Variants in FRMD5 observed in about 807,000 individuals in gnomAD.
FRMD5 encodes the protein FERM domain-containing protein 5.
FRMD5 carries 20 observed loss-of-function variants against 69.0 expected under a neutral mutation model. That is an observed-to-expected ratio of 0.29 (90% CI 0.20 to 0.42). The LOEUF (loss-of-function observed/expected upper bound fraction) is 0.42. Ranked by LOEUF, FRMD5 falls within the 10% of genes least tolerant of loss-of-function variation. FRMD5 has a pLI of 1.00. For synonymous variants in FRMD5, 271 were observed against 260.1 expected (o/e 1.04, Z -0.40); for missense variants, 595 against 708.6 (o/e 0.84, Z 1.82).
intron 1 of FRMD5, among the ~76,000 whole-genome samples, chr15:44,150,878 G>A (rs1276883930): frequency 6.6e-6 from 1 of 152,062 alleles, no homozygotes; most frequent in Non-Finnish European, 1.5e-5. Context: ...GATCAATTGA[G>A]ATCAGGAGTT....
chr15:44,022,217 T>C (rs1481536504), intron 1 of FRMD5, among the ~76,000 whole-genome samples: 1 of 152,082 alleles, frequency 6.6e-6, no homozygotes, highest in African/African-American at 2.4e-5. Context: ...TGTATGTACT[T>C]TAAAAATAGC....
chr15:44,049,682 C>T (rs781664409), intron 1 of FRMD5, among the ~76,000 whole-genome samples: 10 of 152,158 alleles, frequency 6.6e-5, no homozygotes, highest in Non-Finnish European at 1.5e-4. Context: ...TCTCCATTTG[C>T]ATTTAAAATC....
chr15:44,042,777 T>C (rs1469178935), intron 1 of FRMD5, among the ~76,000 whole-genome samples: 1 of 152,216 alleles, frequency 6.6e-6, no homozygotes, highest in Non-Finnish European at 1.5e-5. Flanking sequence ...GGAACGTATC[T>C]CAAAATAATA....
chr15:43,894,795 G>A (rs766715777), intron 7 of FRMD5, among the ~76,000 whole-genome samples: 3 of 152,114 alleles, frequency 2.0e-5, no homozygotes, highest in Non-Finnish European at 2.9e-5. Flanking sequence ...TGGTCAAACC[G>A]CTCGGGTCCA....
At chr15:44,174,429 A>G (rs1220279641) in intron 1 of FRMD5, among the ~76,000 whole-genome samples, 1 of 151,964 alleles carries the variant, frequency 6.6e-6, no homozygotes, top group Non-Finnish European at 1.5e-5. Context: ...TTGTTCCCTC[A>G]CCTATTTCTA....
intron 1 of FRMD5, among the ~76,000 whole-genome samples, chr15:43,993,688 C>T (rs1889792566): frequency 6.6e-6 from 1 of 151,904 alleles, no homozygotes; most frequent in Non-Finnish European, 1.5e-5. Flanking sequence ...TATCAAAGTC[C>T]CCTACTATTA....
chr15:44,166,783 C>CAAA lies in FRMD5; in HGVS notation c.102+28167_102+28169dup, dbSNP rs1006711939. Among the ~76,000 whole-genome samples the CAAA allele has an allele frequency of 4.0e-3, 204 of 51,276 alleles. 1 individual carries two copies. Among genetic ancestry groups the CAAA allele is most frequent in the Middle Eastern group, 7.6e-3 (1 of 132 alleles). The allele number at this position is 51,276 out of a possible 152,430, so 33.6% of individuals were successfully genotyped here. On this transcript the variant is annotated intron_variant, in intron 1 of 13. Transcript: ENST00000417257. ...TGGGTGACAAAGTGAGACCCTATCT[C>CAAA]AAAAAAAAAAAAAAAAAAAAAAAAG...
At chr15:43,984,471 G>A (rs1397928285) in intron 1 of FRMD5, among the ~76,000 whole-genome samples, 1 of 152,142 alleles carries the variant, frequency 6.6e-6, no homozygotes, top group Non-Finnish European at 1.5e-5. Flanking sequence ...CTGGATTAAG[G>A]CCTCCAGAGC....
At chr15:44,079,082 C>G (rs1195730012) in intron 1 of FRMD5, among the ~76,000 whole-genome samples, 3 of 151,920 alleles carry the variant, frequency 2.0e-5, no homozygotes, top group Non-Finnish European at 4.4e-5. Context: ...CAAAAAACAT[C>G]CCAATTAAAA....
In FRMD5 at chr15:43,940,080, G is replaced by A. The variant is rs558488173; in HGVS notation, c.103-15771C>T. Among the ~76,000 whole-genome samples the A allele has an allele frequency of 6.5e-4, 99 of 152,306 alleles. 1 individual carries two copies. Among genetic ancestry groups the A allele is most frequent in the Admixed American group, 1.2e-3 (19 of 15,306 alleles). Reference sequence around the variant, plus strand: ...TAATCCCAGCCACCTGTGGGGCTGCGGAGAGACAATCACTTGAACCTGGGA... The same window carrying A: ...TAATCCCAGCCACCTGTGGGGCTGCAGAGAGACAATCACTTGAACCTGGGA... On this transcript the variant is annotated intron_variant, in intron 1 of 13. Coordinates refer to ENST00000417257, the MANE Select transcript of FRMD5 (RefSeq NM_032892.5).
At chr15:44,174,386 T>TA (rs1329278300) in intron 1 of FRMD5, among the ~76,000 whole-genome samples, 1 of 152,168 alleles carries the variant, frequency 6.6e-6, no homozygotes, top group Non-Finnish European at 1.5e-5. Flanking sequence ...GATAACAAAA[T>TA]ACAATGTCTG....
At chr15:44,066,310 C>T (rs1893308123) in intron 1 of FRMD5, among the ~76,000 whole-genome samples, 1 of 152,174 alleles carries the variant, frequency 6.6e-6, no homozygotes, top group East Asian at 1.9e-4. Context: ...AAGTCTCTGC[C>T]TTCACAGAAT....
At chr15:43,877,296 G>GT (rs1237864996) in intron 13 of FRMD5, among the ~76,000 whole-genome samples, 8 of 152,194 alleles carry the variant, frequency 5.3e-5, no homozygotes, top group Admixed American at 1.3e-4. Flanking sequence ...TGATTAGGGA[G>GT]TTTTTTGGTT....
chr15:44,039,494 C>T (rs987873592), intron 1 of FRMD5, among the ~76,000 whole-genome samples: 3 of 152,212 alleles, frequency 2.0e-5, no homozygotes, highest in Non-Finnish European at 4.4e-5. Flanking sequence ...GCAATCTTTG[C>T]TGTTCTGCAG....
At chr15:44,006,959 T>G (rs2140195413) in intron 1 of FRMD5, among the ~76,000 whole-genome samples, 1 of 152,302 alleles carries the variant, frequency 6.6e-6, no homozygotes, top group African/African-American at 2.4e-5. Context: ...AAAATGCAGT[T>G]AAACAGCATT....
intron 1 of FRMD5, among the ~76,000 whole-genome samples, chr15:44,115,047 A>T (rs931590861): frequency 1.8e-4 from 27 of 152,210 alleles, no homozygotes; most frequent in South Asian, 8.3e-4. Flanking sequence ...TTCACTTTTT[A>T]AAAAAAACTG....
intron 1 of FRMD5, among the ~76,000 whole-genome samples, chr15:44,090,434 G>C (rs1449985646): frequency 1.3e-5 from 2 of 150,414 alleles, no homozygotes; most frequent in South Asian, 4.2e-4. Context: ...CCAAAGAGAT[G>C]AATAACTACT....
intron 1 of FRMD5, among the ~76,000 whole-genome samples, chr15:44,070,477 G>C (rs908785414): frequency 9.9e-5 from 15 of 152,126 alleles, no homozygotes; most frequent in African/African-American, 3.4e-4. Flanking sequence ...GTGAATTAGA[G>C]ATCTGCAGCT....
At chr15:43,966,540 G>A (rs182352256) in intron 1 of FRMD5, among the ~76,000 whole-genome samples, 1 of 152,198 alleles carries the variant, frequency 6.6e-6, no homozygotes. Flanking sequence ...AAAAGGGAGA[G>A]ATTACATGGT....
Sources: gnomAD v4.1 joint callset for allele counts (sites outside exome capture counted in the v4.1 genomes callset) on GRCh38, gnomAD v4.1.1 for gene constraint, MANE v1.5 for transcripts, NCBI Gene and HGNC (gene_info 2026-07-23, HGNC 2026-07-21) for gene names.